NYAP2: variants seen among roughly 807,000 people sequenced by gnomAD.
The protein encoded by NYAP2 is neuronal tyrosine-phosphorylated phosphoinositide-3-kinase adaptor 2.
In NYAP2, 23 loss-of-function variants were observed where a neutral mutation model predicts 50.4. The ratio of observed to expected loss-of-function variants is 0.46; its 90% confidence interval spans 0.33 to 0.65. The LOEUF is 0.65. NYAP2 is among the 30% of genes least tolerant of loss of function. The pLI is 0.02. For missense variants in NYAP2, 885 were observed against 861.0 expected (o/e 1.03, Z -0.35); for synonymous variants, 394 against 365.2 (o/e 1.08, Z -0.90).
intron 6 of NYAP2, among the ~76,000 whole-genome samples, chr2:225,631,753 G>A (rs1232989688): frequency 1.3e-5 from 2 of 152,146 alleles, no homozygotes; most frequent in Non-Finnish European, 2.9e-5. Context: ...TGCCAAAAAT[G>A]GCAAAAATGT....
chr2:225,595,849 A>G (rs904206429), intron 5 of NYAP2, among the ~76,000 whole-genome samples: 1 of 151,874 alleles, frequency 6.6e-6, no homozygotes, highest in Non-Finnish European at 1.5e-5. Flanking sequence ...TGCTGCCTCC[A>G]TTTCTTCTCC....
intron 3 of NYAP2, among the ~76,000 whole-genome samples, chr2:225,504,263 G>A (rs1307971748): frequency 6.6e-5 from 10 of 152,136 alleles, no homozygotes; most frequent in African/African-American, 2.4e-4. Flanking sequence ...TGTTTTCTCT[G>A]TGTCCTCACA....
At chr2:225,479,919 T>C (rs1170530582) in intron 3 of NYAP2, among the ~76,000 whole-genome samples, 1 of 152,074 alleles carries the variant, frequency 6.6e-6, no homozygotes, top group Non-Finnish European at 1.5e-5. Flanking sequence ...TCCATATTCC[T>C]CTCTTCAATT....
chr2:225,648,132 C>T (rs1350504387), intron 6 of NYAP2, among the ~76,000 whole-genome samples: 1 of 152,118 alleles, frequency 6.6e-6, no homozygotes, highest in African/African-American at 2.4e-5. Context: ...TCATGAGTAG[C>T]TGGGATTACA....
intron 4 of NYAP2, among the ~76,000 whole-genome samples, chr2:225,525,653 A>C (rs927075094): frequency 6.6e-6 from 1 of 152,194 alleles, no homozygotes; most frequent in African/African-American, 2.4e-5. Flanking sequence ...GTGAGGGCTG[A>C]AAAATCATCT....
chr2:225,618,406 ACT>A (rs1319676186), intron 5 of NYAP2, among the ~76,000 whole-genome samples: 2 of 152,128 alleles, frequency 1.3e-5, no homozygotes, highest in Non-Finnish European at 2.9e-5. Context: ...GCAACATTAC[ACT>A]CTGTGTTATT....
intron 4 of NYAP2, among the ~76,000 whole-genome samples, chr2:225,563,574 C>A (rs1691911468): frequency 6.6e-6 from 1 of 152,028 alleles, no homozygotes; most frequent in Admixed American, 6.6e-5. Context: ...GGGTTCGTGA[C>A]ATGGTCACAG....
At chr2:225,588,274 A>G (rs1056017133) in intron 5 of NYAP2, among the ~76,000 whole-genome samples, 1 of 152,172 alleles carries the variant, frequency 6.6e-6, no homozygotes, top group South Asian at 2.1e-4. Context: ...AATTATAGAT[A>G]TAAATGAGTC....
rs1039491705 is a variant in NYAP2, at chr2:225,648,815, G to C, written c.1829-2617G>C. On this transcript the variant is annotated intron_variant, in intron 6 of 6. Coordinates refer to ENST00000636099, the Ensembl canonical transcript of NYAP2. The stretch of plus-strand genomic sequence containing the variant: ...TCAAAATCAAAAAGGAGCATGGGAA[G>C]GGGACAGAGCTATGGGAACCTGCAT... 5.3e-5 allele frequency among the ~76,000 whole-genome samples: 8 copies of C among 152,158 alleles called. No individual in the cohort carries two copies. The East Asian group carries it at 9.6e-4, about 18-fold the overall frequency.
At chr2:225,552,917 A>G (rs533602648) in intron 4 of NYAP2, among the ~76,000 whole-genome samples, 1 of 152,160 alleles carries the variant, frequency 6.6e-6, no homozygotes, top group Admixed American at 6.5e-5. Context: ...CCAACTCCTG[A>G]CCTCGTGATC....
At chr2:225,459,469 C>T (rs188008801) in intron 3 of NYAP2, among the ~76,000 whole-genome samples, 20 of 152,184 alleles carry the variant, frequency 1.3e-4, no homozygotes, top group Admixed American at 1.2e-3. Context: ...CTCCTCCTAA[C>T]AATGGTTGAA....
At chr2:225,508,168 A>G (rs1263454438) in intron 3 of NYAP2, among the ~76,000 whole-genome samples, 1 of 152,236 alleles carries the variant, frequency 6.6e-6, no homozygotes, top group Non-Finnish European at 1.5e-5. Flanking sequence ...GGATTATGAA[A>G]CTTGTTTTTA....
At chr2:225,640,399 C>A (rs1324241104) in intron 6 of NYAP2, among the ~76,000 whole-genome samples, 1 of 152,128 alleles carries the variant, frequency 6.6e-6, no homozygotes, top group African/African-American at 2.4e-5. Context: ...TTGGTCCAGT[C>A]ATTTACTCAC....
intron 4 of NYAP2, among the ~76,000 whole-genome samples, chr2:225,563,551 G>T (rs949076284): frequency 1.7e-4 from 26 of 152,096 alleles, no homozygotes; most frequent in African/African-American, 6.3e-4. Flanking sequence ...GAACATTGGA[G>T]GGGTAAAGGA....
chr2:225,507,223 C>A (rs375058399), intron 3 of NYAP2, among the ~76,000 whole-genome samples: 2 of 152,280 alleles, frequency 1.3e-5, no homozygotes, highest in African/African-American at 4.8e-5. Context: ...CAGTGCTTAG[C>A]AAAGAAAACT....
intron 4 of NYAP2, among the ~76,000 whole-genome samples, chr2:225,542,014 C>T (rs1478600484): frequency 1.3e-5 from 2 of 151,794 alleles, no homozygotes; most frequent in African/African-American, 2.4e-5. Context: ...TGCTTAATTC[C>T]TAGGTATTTT....
the NYAP2 span, among the ~76,000 whole-genome samples, chr2:225,660,458 T>TTG: frequency 2.0e-5 from 3 of 151,742 alleles, no homozygotes; most frequent in East Asian, 5.8e-4. Flanking sequence ...TTTTTTTTTT[T>TTG]TGCCAACCTC....
the NYAP2 span, among the ~76,000 whole-genome samples, chr2:225,667,496 C>A: frequency 1.3e-5 from 2 of 152,108 alleles, no homozygotes; most frequent in Admixed American, 1.3e-4. Flanking sequence ...TGGTAATGCT[C>A]TGGGAGAATT....
At chr2:225,543,811 T>C (rs1296140936) in intron 4 of NYAP2, among the ~76,000 whole-genome samples, 3 of 152,098 alleles carry the variant, frequency 2.0e-5, no homozygotes, top group Non-Finnish European at 4.4e-5. Flanking sequence ...CCGATGTTTG[T>C]TGACTTTCCG....
Sources: allele counts gnomAD v4.1 joint callset (sites outside exome capture counted in the v4.1 genomes callset), GRCh38; gene constraint gnomAD v4.1.1; transcripts MANE v1.5; gene names NCBI Gene and HGNC (gene_info 2026-07-23, HGNC 2026-07-21).